The following ROBO1 variants were observed in gnomAD, a reference collection of about 807,000 sequenced individuals.
The protein encoded by ROBO1 is roundabout guidance receptor 1.
A neutral mutation model predicts 195.9 loss-of-function variants in ROBO1; 149 were observed. The ratio of observed to expected loss-of-function variants is 0.76; its 90% confidence interval spans 0.67 to 0.87. The LOEUF (loss-of-function observed/expected upper bound fraction) is 0.87, where lower values mean the gene tolerates loss of function less well. ROBO1 is among the 40% of genes least tolerant of loss of function. The pLI is 0.00. For synonymous variants in ROBO1, 816 were observed against 733.2 expected, an observed-to-expected ratio of 1.11 and a Z score of -1.82; for missense variants, 1,933 against 2,068.3, an observed-to-expected ratio of 0.93 and a Z score of 1.27.
intron 2 of ROBO1, among the ~76,000 whole-genome samples, chr3:79,322,674 G>A (rs140179268): frequency 0.013 from 1,921 of 152,222 alleles, 18 homozygotes; most frequent in Middle Eastern, 0.034. Flanking sequence ...CCATTTGGCC[G>A]TATATTGGTT....
intron 5 of ROBO1, among the ~76,000 whole-genome samples, chr3:78,742,257 C>T (rs781095502): frequency 7.9e-5 from 12 of 152,184 alleles, no homozygotes; most frequent in Non-Finnish European, 1.8e-4. Context: ...ATCTTCTGTT[C>T]ATCTGCACTC....
chr3:79,546,291 C>T lies in ROBO1; in HGVS notation c.88+43533G>A, dbSNP rs150219683. On this transcript the variant is annotated intron_variant, in intron 2 of 30. Transcript: ENST00000464233. ...CTGTTCACATGATCGGTAAGGCTTC[C>T]AGTCAACAGTAGACTATTAGTTAGG... is the stretch of plus-strand genomic sequence containing the variant. Among the ~76,000 whole-genome samples, 70 of 152,084 alleles carry T rather than the reference C, an allele frequency of 4.6e-4. 1 individual carries two copies. Among genetic ancestry groups the T allele is most frequent in the African/African-American group, 1.6e-3 (68 of 41,480 alleles).
intron 1 of ROBO1, among the ~76,000 whole-genome samples, chr3:79,688,754 T>TA (rs756102401): frequency 3.3e-5 from 5 of 152,020 alleles, no homozygotes; most frequent in Admixed American, 6.6e-5. Flanking sequence ...GAAGTTTTAT[T>TA]AAAAAAAATT....
At chr3:79,345,304 G>A (rs548180473) in intron 2 of ROBO1, among the ~76,000 whole-genome samples, 2 of 152,162 alleles carry the variant, frequency 1.3e-5, no homozygotes, top group South Asian at 4.2e-4. Context: ...TCTTTATAGT[G>A]CTTTTGGCTG....
intron 2 of ROBO1, among the ~76,000 whole-genome samples, chr3:79,275,172 C>T (rs951919840): frequency 1.4e-4 from 22 of 151,930 alleles, no homozygotes; most frequent in Admixed American, 1.2e-3. Flanking sequence ...GACAAAGACA[C>T]ATAAGAAAAT....
intron 2 of ROBO1, among the ~76,000 whole-genome samples, chr3:79,548,253 A>G (rs749264241): frequency 1.3e-5 from 2 of 152,204 alleles, no homozygotes; most frequent in Non-Finnish European, 2.9e-5. Flanking sequence ...GTGAAAGTCA[A>G]TCACCAGGTA....
chr3:79,450,400 A>AAAT (rs1019172685), intron 2 of ROBO1, among the ~76,000 whole-genome samples: 2 of 151,954 alleles, frequency 1.3e-5, no homozygotes, highest in South Asian at 2.1e-4. Flanking sequence ...AAAGTAAGAA[A>AAAT]AATAATAATA....
At chr3:79,761,240 C>T (rs551226530) in intron 1 of ROBO1, among the ~76,000 whole-genome samples, 3 of 150,064 alleles carry the variant, frequency 2.0e-5, no homozygotes, top group Admixed American at 6.7e-5. Flanking sequence ...CCCGAAGCAA[C>T]TTGAATTAAT....
At chr3:78,790,008 T>C (rs2083968129) in intron 4 of ROBO1, among the ~76,000 whole-genome samples, 1 of 152,212 alleles carries the variant, frequency 6.6e-6, no homozygotes, top group Admixed American at 6.5e-5. Flanking sequence ...AAAGATCTTT[T>C]ATAATAAATT....
chr3:79,284,699 G>T (rs1193677570), intron 2 of ROBO1, among the ~76,000 whole-genome samples: 2 of 152,078 alleles, frequency 1.3e-5, no homozygotes, highest in East Asian at 3.9e-4. Flanking sequence ...GAATATCAAG[G>T]TAAATGGAAA....
At chr3:79,707,203 T>C (rs1947798529) in intron 1 of ROBO1, among the ~76,000 whole-genome samples, 1 of 152,162 alleles carries the variant, frequency 6.6e-6, no homozygotes, top group African/African-American at 2.4e-5. Flanking sequence ...TGATTGATTC[T>C]TTCTTCTTGT....
chr3:79,171,793 A>G (rs1180057574), intron 2 of ROBO1, among the ~76,000 whole-genome samples: 9 of 152,100 alleles, frequency 5.9e-5, no homozygotes, highest in Non-Finnish European at 1.2e-4. Flanking sequence ...ATTAACAAAA[A>G]TATTCTCTGA....
At chr3:79,485,333 G>C in intron 2 of ROBO1, among the ~76,000 whole-genome samples, 1 of 151,866 alleles carries the variant, frequency 6.6e-6, no homozygotes, top group East Asian at 1.9e-4. Flanking sequence ...GTATTTCTCT[G>C]ATCAGTCTAA....
At chr3:78,754,722 T>C (rs1053886156) in intron 4 of ROBO1, among the ~76,000 whole-genome samples, 5 of 152,088 alleles carry the variant, frequency 3.3e-5, no homozygotes, top group African/African-American at 1.2e-4. Flanking sequence ...CATATTCAAA[T>C]AAACACATAC....
chr3:79,056,977 T>A (rs1019000754), intron 3 of ROBO1, among the ~76,000 whole-genome samples: 1 of 152,108 alleles, frequency 6.6e-6, no homozygotes, highest in Non-Finnish European at 1.5e-5. Flanking sequence ...TGAAATCGGC[T>A]CGAAGTTCAA....
chr3:78,906,206 T>C (rs2037902592), intron 4 of ROBO1, among the ~76,000 whole-genome samples: 1 of 152,110 alleles, frequency 6.6e-6, no homozygotes, highest in African/African-American at 2.4e-5. Context: ...CAGCTTCTAA[T>C]TCACACGGAA....
chr3:78,960,110 C>A (rs1332913342), intron 3 of ROBO1, among the ~76,000 whole-genome samples: 1 of 151,998 alleles, frequency 6.6e-6, no homozygotes, highest in Non-Finnish European at 1.5e-5. Flanking sequence ...GGCTGTAATG[C>A]ACCTATGATC....
intron 3 of ROBO1, among the ~76,000 whole-genome samples, chr3:79,049,246 T>C (rs1262700419): frequency 6.6e-6 from 1 of 152,114 alleles, no homozygotes; most frequent in African/African-American, 2.4e-5. Context: ...AACTTCATGA[T>C]GCATTCACAA....
chr3:79,309,723 T>C (rs1248358365), intron 2 of ROBO1, among the ~76,000 whole-genome samples: 2 of 152,158 alleles, frequency 1.3e-5, no homozygotes, highest in Admixed American at 1.3e-4. Context: ...ATGTATGAGG[T>C]TGAGAAACAT....
Sources: gnomAD v4.1 joint callset for allele counts (sites outside exome capture counted in the v4.1 genomes callset) on GRCh38, gnomAD v4.1.1 for gene constraint, MANE v1.5 for transcripts, NCBI Gene and HGNC (gene_info 2026-07-23, HGNC 2026-07-21) for gene names.